The following GALNT17 variants were observed in gnomAD, a reference collection of about 807,000 sequenced individuals.
GALNT17 encodes the protein UDP-GalNAc:polypeptide N-acetylgalactosaminyltransferase-like 3.
Under a neutral mutation model 63.7 loss-of-function variants are expected in GALNT17, and 29 were observed. The ratio of observed to expected loss-of-function variants is 0.46; its 90% confidence interval spans 0.34 to 0.62. The LOEUF is 0.62. Among genes scored for constraint, GALNT17 ranks in the 20% least tolerant of loss-of-function variants. The pLI is 0.01. For synonymous variants in GALNT17, 305 were observed against 318.3 expected (o/e 0.96, Z 0.45); for missense variants, 603 against 799.6 (o/e 0.75, Z 2.97).
At chr7:71,505,867 G>A (rs1428831485) in intron 5 of GALNT17, among the ~76,000 whole-genome samples, 1 of 152,178 alleles carries the variant, frequency 6.6e-6, no homozygotes, top group Non-Finnish European at 1.5e-5. Context: ...GGGGCACCAA[G>A]CATTTAGCTC....
chr7:71,637,931 A>G (rs1426403935), intron 6 of GALNT17, among the ~76,000 whole-genome samples: 3 of 152,302 alleles, frequency 2.0e-5, no homozygotes, highest in African/African-American at 4.8e-5. Flanking sequence ...GGTTAAAAGG[A>G]TGGCTACTCC....
chr7:71,369,111 C>T (rs1792569239), intron 2 of GALNT17, among the ~76,000 whole-genome samples: 1 of 152,212 alleles, frequency 6.6e-6, no homozygotes, highest in South Asian at 2.1e-4. Flanking sequence ...TCAATAAGTC[C>T]TAGAATACTA....
chr7:71,319,315 C>G (rs945774771), intron 1 of GALNT17, among the ~76,000 whole-genome samples: 1 of 152,102 alleles, frequency 6.6e-6, no homozygotes, highest in Non-Finnish European at 1.5e-5. Context: ...CTGTGAACAT[C>G]ACCAATGCAT....
intron 3 of GALNT17, among the ~76,000 whole-genome samples, chr7:71,394,450 A>G (rs1261501288): frequency 6.6e-6 from 1 of 152,138 alleles, no homozygotes; most frequent in African/African-American, 2.4e-5. Flanking sequence ...AACTGGGATC[A>G]CTTGTGATTC....
chr7:71,621,298 C>G (rs1790285243), intron 6 of GALNT17, among the ~76,000 whole-genome samples: 1 of 152,068 alleles, frequency 6.6e-6, no homozygotes, highest in African/African-American at 2.4e-5. Flanking sequence ...ATACTTATAG[C>G]TACTTCATTA....
chr7:71,593,610 T>C (rs911658166), intron 6 of GALNT17, among the ~76,000 whole-genome samples: 1 of 152,196 alleles, frequency 6.6e-6, no homozygotes, highest in Non-Finnish European at 1.5e-5. Context: ...TCTGTAGATA[T>C]GCAGAATGTC....
chr7:71,259,091 G>A (rs370244429), intron 1 of GALNT17, among the ~76,000 whole-genome samples: 6 of 152,162 alleles, frequency 3.9e-5, no homozygotes, highest in East Asian at 3.9e-4. Flanking sequence ...ACCCACTGGA[G>A]CGGGGAGACC....
At chr7:71,431,960 A>T (rs980040059) in intron 5 of GALNT17, among the ~76,000 whole-genome samples, 6 of 152,168 alleles carry the variant, frequency 3.9e-5, no homozygotes, top group Non-Finnish European at 8.8e-5. Context: ...GGATCACCTG[A>T]GGTCAGGAAT....
Position 71,600,736 on chromosome 7 carries a change from T to TTTTG in GALNT17, c.1080+29350_1080+29353dup, listed in dbSNP as rs201329710. ...TGTACCTTGGAGAGTAATTTTGGTT[T>TTTTG]TTTGTTTGTTTGTTTGTTTTTTCAC... On this transcript the variant is annotated intron_variant, in intron 6 of 10. Coordinates refer to ENST00000333538, the MANE Select transcript of GALNT17 (RefSeq NM_022479.3). 5.9e-3 allele frequency among the ~76,000 whole-genome samples: 846 copies of TTTTG among 142,586 alleles called. 10 individuals are homozygous for TTTTG. Among genetic ancestry groups the TTTTG allele is most frequent in the African/African-American group, 0.02 (778 of 38,066 alleles). 93.5% of individuals were successfully genotyped at this position (142,586 alleles called of 152,430 possible). A position where few individuals can be genotyped will look rare whatever the true frequency, so the allele number is the denominator to read the frequency against.
At chr7:71,665,350 G>A (rs868653570) in intron 6 of GALNT17, 61 bp from the exon 7 acceptor site, 30 of 1,523,364 alleles carry the variant, frequency 2.0e-5, no homozygotes, top group Admixed American at 4.4e-5. Flanking sequence ...TTTGGGCTTG[G>A]GGAGGGGGCA....
chr7:71,684,500 G>A (rs1007663439), intron 9 of GALNT17, among the ~76,000 whole-genome samples: 8 of 152,134 alleles, frequency 5.3e-5, no homozygotes, highest in Non-Finnish European at 5.9e-5. Context: ...CCATAGCCGC[G>A]TGTTCCAGCC....
intron 5 of GALNT17, among the ~76,000 whole-genome samples, chr7:71,443,083 A>G (rs1787098061): frequency 6.6e-6 from 1 of 152,204 alleles, no homozygotes; most frequent in Admixed American, 6.5e-5. Flanking sequence ...TGCTATAAGC[A>G]ACTCTGAAGT....
chr7:71,185,324 G>A (rs548061882), intron 1 of GALNT17, among the ~76,000 whole-genome samples: 5 of 151,096 alleles, frequency 3.3e-5, no homozygotes, highest in Non-Finnish European at 4.4e-5. Flanking sequence ...CCCCACCTCA[G>A]CCTCCCAAGT....
At chr7:71,564,281 T>TC (rs2116862043) in intron 5 of GALNT17, among the ~76,000 whole-genome samples, 1 of 29,558 alleles carries the variant, frequency 3.4e-5, no homozygotes, top group South Asian at 8.7e-4. Context: ...TTCTTTTCTT[T>TC]TTTTTTTTTT....
chr7:71,151,633 G>GAAAAAAAA (rs565056347), intron 1 of GALNT17, among the ~76,000 whole-genome samples: 1 of 121,634 alleles, frequency 8.2e-6, no homozygotes, highest in Non-Finnish European at 1.7e-5. Context: ...AAAAAGAAAA[G>GAAAAAAAA]AAAAAAAAAA....
intron 5 of GALNT17, among the ~76,000 whole-genome samples, chr7:71,485,437 G>A (rs906122091): frequency 6.6e-6 from 1 of 152,120 alleles, no homozygotes; most frequent in African/African-American, 2.4e-5. Context: ...GGTCTTACTT[G>A]GCCTGTGCTT....
chr7:71,137,375 G>A (rs1787805728), intron 1 of GALNT17, among the ~76,000 whole-genome samples: 2 of 151,192 alleles, frequency 1.3e-5, no homozygotes, highest in Admixed American at 1.3e-4. Context: ...TCCTGACCTC[G>A]TGATCCACCC....
chr7:71,297,102 G>A (rs566878385), intron 1 of GALNT17, among the ~76,000 whole-genome samples: 11 of 152,146 alleles, frequency 7.2e-5, no homozygotes, highest in African/African-American at 2.2e-4. Context: ...CATCACTTTC[G>A]CCAGATGGAA....
At chr7:71,524,275 T>TTATATATA in intron 5 of GALNT17, among the ~76,000 whole-genome samples, 1 of 146,502 alleles carries the variant, frequency 6.8e-6, no homozygotes, top group African/African-American at 2.5e-5. Flanking sequence ...TATAATTATA[T>TTATATATA]ATTATCATAT....
Sources: allele counts gnomAD v4.1 joint callset (sites outside exome capture counted in the v4.1 genomes callset), GRCh38; gene constraint gnomAD v4.1.1; transcripts MANE v1.5; gene names NCBI Gene and HGNC (gene_info 2026-07-23, HGNC 2026-07-21).